Variants in NLRP4 observed in about 807,000 individuals in gnomAD.
NLRP4 encodes NACHT, LRR and PYD domains-containing protein 4.
A neutral mutation model predicts 84.7 loss-of-function variants in NLRP4; 44 were observed. The observed-to-expected ratio is 0.52, with a 90% CI of 0.41 to 0.67. The LOEUF is 0.67. Among genes scored for constraint, NLRP4 ranks in the 30% least tolerant of loss-of-function variants. NLRP4 has a pLI of 0.00. For missense variants in NLRP4, 1,260 were observed against 1,219.4 expected, an observed-to-expected ratio of 1.03 and a Z score of -0.50; for synonymous variants, 544 against 476.4, an observed-to-expected ratio of 1.14 and a Z score of -1.85.
At chr19:55,846,394 TAC>T (rs1227908821) in intron 1 of NLRP4, among the ~76,000 whole-genome samples, 1 of 152,166 alleles carries the variant, frequency 6.6e-6, no homozygotes, top group African/African-American at 2.4e-5. Context: ...TCTGTTTTGG[TAC>T]ACTCTGATCT....
chr19:55,869,997 C>T, intron 6 of NLRP4, among the ~76,000 whole-genome samples: 1 of 151,864 alleles, frequency 6.6e-6, no homozygotes, highest in Non-Finnish European at 1.5e-5. Flanking sequence ...GACTGAGGTG[C>T]TGAGGTGGGA....
At chr19:55,854,039 G>A (rs1303297816) in intron 2 of NLRP4, among the ~76,000 whole-genome samples, 2 of 151,444 alleles carry the variant, frequency 1.3e-5, no homozygotes, top group South Asian at 2.1e-4. Flanking sequence ...GTGCAATCTC[G>A]GCCCACTGCA....
At chr19:55,856,680 T>C (rs1250471778) in intron 2 of NLRP4, among the ~76,000 whole-genome samples, 3 of 151,922 alleles carry the variant, frequency 2.0e-5, no homozygotes, top group Non-Finnish European at 4.4e-5. Flanking sequence ...CACGCCCGGC[T>C]AATTTTTGTA....
chr19:55,880,507 G>A (rs1345288813), intron 9 of NLRP4, among the ~76,000 whole-genome samples: 2 of 152,192 alleles, frequency 1.3e-5, no homozygotes, highest in Non-Finnish European at 2.9e-5. Context: ...GTATGCATCA[G>A]ATAATGTGAT....
chr19:55,844,105 G>T (rs553876292), intron 1 of NLRP4, among the ~76,000 whole-genome samples: 1 of 152,238 alleles, frequency 6.6e-6, no homozygotes, highest in South Asian at 2.1e-4. Context: ...AGGCTAATAA[G>T]TCCAAAATCA....
chr19:55,870,701 A>C (rs1985142476), intron 6 of NLRP4, 126 bp from the exon 7 acceptor site: 7 of 668,018 alleles, frequency 1.0e-5, no homozygotes, highest in Non-Finnish European at 1.8e-5. Context: ...CAGATAATCC[A>C]GAACTTCATC....
At chr19:55,854,966 C>T (rs765966263) in intron 2 of NLRP4, among the ~76,000 whole-genome samples, 7 of 152,208 alleles carry the variant, frequency 4.6e-5, no homozygotes, top group Non-Finnish European at 7.3e-5. Flanking sequence ...TCCGGTGATC[C>T]GCCCGCCTTG....
At chr19:55,837,432 CT>C (rs972591898) in intron 1 of NLRP4, among the ~76,000 whole-genome samples, 56 of 152,280 alleles carry the variant, frequency 3.7e-4, no homozygotes, top group African/African-American at 1.3e-3. Flanking sequence ...ACACCAGCAC[CT>C]ATTCCTACCT....
rs769555505 is a variant in NLRP4 at position 55,871,044 on chromosome 19, G to C, written c.2525+47G>C. On this transcript the variant is annotated intron_variant, in intron 7 of 9. Coordinates refer to ENST00000301295, the MANE Select transcript of NLRP4 (RefSeq NM_134444.5). ...TGAAGACCAAGCCGTCTTTTCAAGG[G>C]CATGCACTGCTGAGAATGGGGCATC... 20 of 1,541,536 alleles carry C rather than the reference G, an allele frequency of 1.3e-5. No individual in the cohort carries two copies. The African/African-American group carries it at 2.7e-4, about 21-fold the overall frequency.
chr19:55,861,840 G>A, intron 4 of NLRP4, 152 bp from the exon 5 acceptor site: 1 of 673,312 alleles, frequency 1.5e-6, no homozygotes. Flanking sequence ...CCTTGTGGGG[G>A]CAAAATCTCT....
chr19:55,879,340 C>T (rs1034900355), intron 9 of NLRP4, among the ~76,000 whole-genome samples: 7 of 152,080 alleles, frequency 4.6e-5, no homozygotes, highest in African/African-American at 1.7e-4. Flanking sequence ...AGAGGGGTCT[C>T]GGAAAAATGG....
At chr19:55,843,103 A>G (rs1467153463) in intron 1 of NLRP4, among the ~76,000 whole-genome samples, 1 of 152,138 alleles carries the variant, frequency 6.6e-6, no homozygotes, top group Non-Finnish European at 1.5e-5. Flanking sequence ...TTGAGTCAGC[A>G]GCTATTTGTT....
intron 1 of NLRP4, among the ~76,000 whole-genome samples, chr19:55,851,278 C>G (rs531200552): frequency 2.3e-5 from 1 of 43,402 alleles, no homozygotes; most frequent in African/African-American, 2.8e-4. Context: ...TACGAGGCTG[C>G]GGTGTAATGT....
intron 7 of NLRP4, among the ~76,000 whole-genome samples, chr19:55,872,627 G>A (rs1985228657): frequency 6.6e-6 from 1 of 152,084 alleles, no homozygotes; most frequent in Non-Finnish European, 1.5e-5. Context: ...TTAGTAAAAT[G>A]GAAGATAGGT....
chr19:55,855,099 A>G (rs1984359608), intron 2 of NLRP4, among the ~76,000 whole-genome samples: 2 of 152,050 alleles, frequency 1.3e-5, no homozygotes, highest in African/African-American at 4.8e-5. Context: ...GGTCTCAGCT[A>G]CCCTGGAAGC....
At chr19:55,848,185 G>A (rs536522254) in intron 1 of NLRP4, among the ~76,000 whole-genome samples, 3 of 152,232 alleles carry the variant, frequency 2.0e-5, no homozygotes, top group Non-Finnish European at 4.4e-5. Flanking sequence ...CATCATTCAT[G>A]TTGGGTTTGT....
chr19:55,841,399 C>T (rs1983607907), intron 1 of NLRP4, among the ~76,000 whole-genome samples: 1 of 152,184 alleles, frequency 6.6e-6, no homozygotes, highest in Non-Finnish European at 1.5e-5. Flanking sequence ...CTTTCTGTGC[C>T]TGCCTTATTT....
At position 55,862,115 on chromosome 19, in the gene NLRP4, C is replaced by G. The variant is rs138595435; in HGVS notation, c.2142C>G (p.Leu714=). The part of the protein sequence containing the change: ...TKLSRDDIRS[L]CDALNYPAGN... ...TCTCTCGTGATGACATCAGGTCCCT[C>G]TGTGATGCCTTGAACTACCCAGCAG... Residue 714 remains leucine, a synonymous_variant, in exon 5 of 10, where the codon CTC becomes CTG. Coordinates refer to ENST00000301295, the MANE Select transcript of NLRP4 (RefSeq NM_134444.5). The G allele has an allele frequency of 8.9e-5, 144 of 1,613,854 alleles. No individual in the cohort carries two copies. The highest frequency in any genetic ancestry group is 1.6e-4 in the Middle Eastern group (1 of 6,084).
intron 7 of NLRP4, among the ~76,000 whole-genome samples, chr19:55,876,191 G>A (rs575305266): frequency 3.9e-5 from 6 of 152,242 alleles, no homozygotes; most frequent in East Asian, 1.9e-4. Context: ...TTCAGATGTC[G>A]CATCATGGAA....
Sources: allele counts gnomAD v4.1 joint callset (sites outside exome capture counted in the v4.1 genomes callset), GRCh38; gene constraint gnomAD v4.1.1; transcripts MANE v1.5; gene names NCBI Gene and HGNC (gene_info 2026-07-23, HGNC 2026-07-21).